KLHL29: variants seen among roughly 807,000 people sequenced by gnomAD.
KLHL29 encodes the protein kelch-like protein 29.
KLHL29 carries 21 observed loss-of-function variants against 80.4 expected under a neutral mutation model. The ratio of observed to expected loss-of-function variants is 0.26; its 90% CI spans 0.19 to 0.38. KLHL29 has a LOEUF of 0.38. Ranked by LOEUF, KLHL29 falls within the 10% of genes least tolerant of loss-of-function variation. KLHL29 has a pLI of 1.00. For synonymous variants in KLHL29, 511 were observed against 526.8 expected (o/e 0.97, Z 0.41); for missense variants, 867 against 1,223.9 (o/e 0.71, Z 4.35).
chr2:23,565,157 C>T (rs151148666), intron 3 of KLHL29, among the ~76,000 whole-genome samples: 57 of 152,286 alleles, frequency 3.7e-4, no homozygotes, highest in African/African-American at 1.3e-3. Context: ...CTCCTATCAC[C>T]GCTGTCACTG....
In KLHL29 at chr2:23,432,681, G is replaced by GT. The variant is rs573834887; in HGVS notation, c.-153-42874dup. On this transcript the variant is annotated intron_variant, in intron 1 of 13. Coordinates refer to ENST00000486442, the MANE Select transcript of KLHL29 (RefSeq NM_052920.2). ...CTCAGGGAAACCTCTCTGAGGAGGC[G>GT]TTTTTGAGCTGAGACCTGCAAGAGA... Among the ~76,000 whole-genome samples the GT allele has an allele frequency of 2.6e-5, 4 of 152,362 alleles. No homozygotes were observed. In the East Asian group the frequency reaches 7.7e-4, roughly 29 times the overall value.
At chr2:23,654,936 C>A (rs909695829) in intron 5 of KLHL29, among the ~76,000 whole-genome samples, 4 of 152,172 alleles carry the variant, frequency 2.6e-5, no homozygotes, top group African/African-American at 7.2e-5. Flanking sequence ...CTGTTGTAGC[C>A]TGTGTGGTCA....
chr2:23,468,011 A>G (rs780544835), intron 1 of KLHL29, among the ~76,000 whole-genome samples: 8 of 151,978 alleles, frequency 5.3e-5, no homozygotes, highest in Non-Finnish European at 1.2e-4. Context: ...TTTGTTCTTC[A>G]ATGAGCAGGC....
chr2:23,426,727 G>A (rs1384162850), intron 1 of KLHL29, among the ~76,000 whole-genome samples: 2 of 152,178 alleles, frequency 1.3e-5, no homozygotes, highest in Non-Finnish European at 2.9e-5. Context: ...AGCACTCAGA[G>A]CCGTGACTGG....
chr2:23,408,654 C>T (rs1030390625), intron 1 of KLHL29, among the ~76,000 whole-genome samples: 3 of 152,120 alleles, frequency 2.0e-5, no homozygotes, highest in Non-Finnish European at 4.4e-5. Context: ...GGTTACTGAA[C>T]TTTCTGATGG....
Position 23,467,284 on chromosome 2 carries a change from C to T in KLHL29, c.-153-8276C>T, listed in dbSNP as rs534357839. ...GCCACAGTGCGATCAAGCCACTTACCTACACACATTGGTAGAGACCAGGAA... is the reference window on the plus strand; with the variant it reads ...GCCACAGTGCGATCAAGCCACTTACTTACACACATTGGTAGAGACCAGGAA... On this transcript the variant is annotated intron_variant, in intron 1 of 13. Transcript: ENST00000486442. Among the ~76,000 whole-genome samples, 63 of 152,220 alleles carry T rather than the reference C, an allele frequency of 4.1e-4. 1 individual carries two copies. Among genetic ancestry groups the T allele is most frequent in the African/African-American group, 1.5e-3 (61 of 41,446 alleles).
At chr2:23,507,027 A>G in intron 2 of KLHL29, 1 of 371,686 alleles carries the variant, frequency 2.7e-6, no homozygotes. Flanking sequence ...AATGCAGAAA[A>G]GCTGTGACCA....
At chr2:23,547,995 A>G (rs921923741) in intron 2 of KLHL29, among the ~76,000 whole-genome samples, 2 of 152,094 alleles carry the variant, frequency 1.3e-5, no homozygotes, top group South Asian at 4.2e-4. Context: ...GTGCGTGGCC[A>G]CATCCTTCTC....
chr2:23,505,781 G>T (rs1278237307), intron 2 of KLHL29, among the ~76,000 whole-genome samples: 2 of 152,232 alleles, frequency 1.3e-5, no homozygotes, highest in Admixed American at 1.3e-4. Flanking sequence ...TGGAAGAGAG[G>T]CCAGAGAATG....
At chr2:23,563,044 T>C (rs1667491252) in intron 3 of KLHL29, among the ~76,000 whole-genome samples, 1 of 152,216 alleles carries the variant, frequency 6.6e-6, no homozygotes, top group Admixed American at 6.5e-5. Flanking sequence ...AAGGGCTCAG[T>C]AGGCCTTCTA....
intron 3 of KLHL29, among the ~76,000 whole-genome samples, chr2:23,602,203 A>G (rs1331501530): frequency 6.6e-6 from 1 of 152,160 alleles, no homozygotes; most frequent in African/African-American, 2.4e-5. Flanking sequence ...ACACACAGAG[A>G]CAGCCCGTGC....
At chr2:23,636,155 G>A (rs987492322) in intron 3 of KLHL29, among the ~76,000 whole-genome samples, 1 of 152,194 alleles carries the variant, frequency 6.6e-6, no homozygotes, top group African/African-American at 2.4e-5. Context: ...CGTAGGAGGG[G>A]CCTCTAGTCA....
At chr2:23,645,069 G>A (rs189795080) in intron 5 of KLHL29, among the ~76,000 whole-genome samples, 126 of 152,284 alleles carry the variant, frequency 8.3e-4, no homozygotes, top group Non-Finnish European at 1.5e-3. Context: ...AAAGAGTGAC[G>A]CACGCGCCTA....
chr2:23,434,305 A>G (rs1156679839), intron 1 of KLHL29, among the ~76,000 whole-genome samples: 1 of 122,416 alleles, frequency 8.2e-6, no homozygotes, highest in Non-Finnish European at 1.6e-5. Flanking sequence ...TGGGAGACAC[A>G]GCGAGACTCC....
At chr2:23,388,653 A>G (rs1666241846) in intron 1 of KLHL29, among the ~76,000 whole-genome samples, 1 of 152,102 alleles carries the variant, frequency 6.6e-6, no homozygotes, top group Non-Finnish European at 1.5e-5. Flanking sequence ...TCTTTTATCA[A>G]TTGATTTGGC....
At chr2:23,437,437 G>A (rs533081305) in intron 1 of KLHL29, among the ~76,000 whole-genome samples, 5 of 152,114 alleles carry the variant, frequency 3.3e-5, no homozygotes, top group Non-Finnish European at 5.9e-5. Flanking sequence ...TTTCTTTTAC[G>A]TAGGTGACCT....
At chr2:23,547,536 C>T (rs1225991774) in intron 2 of KLHL29, among the ~76,000 whole-genome samples, 3 of 151,980 alleles carry the variant, frequency 2.0e-5, no homozygotes, top group East Asian at 1.9e-4. Context: ...GCCCTTGGTA[C>T]GGTAGCCAGC....
intron 6 of KLHL29, chr2:23,685,292 C>T (rs1364524087): frequency 6.6e-6 from 1 of 151,890 alleles, no homozygotes; most frequent in Non-Finnish European, 1.5e-5. Context: ...TGCTTCATAC[C>T]TTTGCAAAGA....
intron 3 of KLHL29, among the ~76,000 whole-genome samples, chr2:23,587,001 G>A (rs1249912936): frequency 6.6e-6 from 1 of 152,084 alleles, no homozygotes; most frequent in Admixed American, 6.6e-5. Flanking sequence ...TATTGTTGGG[G>A]GATATAACTC....
Sources: gnomAD v4.1 joint callset for allele counts (sites outside exome capture counted in the v4.1 genomes callset) on GRCh38, gnomAD v4.1.1 for gene constraint, MANE v1.5 for transcripts, NCBI Gene and HGNC (gene_info 2026-07-23, HGNC 2026-07-21) for gene names.